Variants in ZEB2 observed in about 807,000 individuals in gnomAD.
The protein encoded by ZEB2 is zinc finger E-box-binding homeobox 2.
A neutral mutation model predicts 99.9 loss-of-function variants in ZEB2; 6 were observed. The observed-to-expected ratio is 0.06, with a 90% CI of 0.03 to 0.12. The LOEUF (loss-of-function observed/expected upper bound fraction) is 0.12, where lower values mean the gene tolerates loss of function less well. Ranked by LOEUF, ZEB2 falls within the 10% of genes least tolerant of loss-of-function variation. The pLI is 1.00. For missense variants in ZEB2, 969 were observed against 1,502.8 expected, an observed-to-expected ratio of 0.64 and a Z score of 5.87; for synonymous variants, 517 against 542.5, an observed-to-expected ratio of 0.95 and a Z score of 0.65.
At chr2:144,406,846 G>A (rs545531858) in intron 4 of ZEB2, among the ~76,000 whole-genome samples, 45 of 152,174 alleles carry the variant, frequency 3.0e-4, no homozygotes, top group African/African-American at 9.7e-4. Flanking sequence ...CTGGGAATCC[G>A]GTTAGGAGGT....
intron 4 of ZEB2, among the ~76,000 whole-genome samples, chr2:144,420,493 T>A (rs1703605268): frequency 6.6e-6 from 1 of 152,188 alleles, no homozygotes; most frequent in Admixed American, 6.5e-5. Context: ...CACCCTCATT[T>A]TTCAGCTGAA....
At chr2:144,434,420 C>G (rs1334620262) in intron 2 of ZEB2, among the ~76,000 whole-genome samples, 1 of 152,134 alleles carries the variant, frequency 6.6e-6, no homozygotes, top group Non-Finnish European at 1.5e-5. Context: ...GAAGTCAACT[C>G]TTTGACAAAG....
intron 1 of ZEB2, chr2:144,517,880 AG>A: frequency 2.0e-6 from 1 of 496,974 alleles, no homozygotes; most frequent in South Asian, 2.2e-5. Context: ...AACGCGAAAC[AG>A]CCCCTGGATG....
At chr2:144,473,818 G>C (rs16823793) in intron 2 of ZEB2, among the ~76,000 whole-genome samples, 4,344 of 152,220 alleles carry the variant, frequency 0.029, 211 homozygotes, top group African/African-American at 0.098. Context: ...TATCTACTTT[G>C]GGTATAACAG....
At chr2:144,404,221 C>G (rs922195126) in intron 5 of ZEB2, 91 bp from the exon 6 acceptor site, 4 of 1,404,220 alleles carry the variant, frequency 2.8e-6, no homozygotes, top group Non-Finnish European at 3.0e-6. Context: ...GATGGTATGA[C>G]AGGAATCACT....
chr2:144,460,570 C>T (rs1488764511), intron 2 of ZEB2, among the ~76,000 whole-genome samples: 1 of 151,886 alleles, frequency 6.6e-6, no homozygotes, highest in Admixed American at 6.6e-5. Context: ...GGGCACCTGG[C>T]GTAAAAAAGA....
chr2:144,486,691 T>G (rs1351919651), intron 2 of ZEB2, among the ~76,000 whole-genome samples: 1 of 152,160 alleles, frequency 6.6e-6, no homozygotes, highest in African/African-American at 2.4e-5. Flanking sequence ...AATTTTCACA[T>G]CTGATTACAA....
At chr2:144,434,052 A>C (rs549241768) in intron 2 of ZEB2, among the ~76,000 whole-genome samples, 1 of 152,314 alleles carries the variant, frequency 6.6e-6, no homozygotes, top group African/African-American at 2.4e-5. Flanking sequence ...CTTTCTCTAC[A>C]TTATTCTGTC....
At chr2:144,392,886 A>G (rs926131851) in intron 9 of ZEB2, among the ~76,000 whole-genome samples, 1 of 152,200 alleles carries the variant, frequency 6.6e-6, no homozygotes, top group Non-Finnish European at 1.5e-5. Flanking sequence ...TGGTAACTGA[A>G]CTTAATAATA....
chr2:144,399,074 A>T lies in ZEB2; in HGVS notation c.2113T>A (p.Ser705Thr), dbSNP rs1361274533. Residue 705 changes from serine (S) to threonine (T), a missense_variant, in exon 8 of 10, where the codon TCC (serine) becomes ACC (threonine). Around this residue, in one of 8 missense-constraint regions of ZEB2, gnomAD observed 346 missense variants for 460.0 expected, o/e 0.75. Transcript: ENST00000627532. The surrounding 1 kb of genome is among the most constrained non-coding windows in gnomAD (Gnocchi z 5.6). The part of the protein sequence containing the change: ...RKVYQYSNSR[S>T]PSLERSSKPL... ...TTGGAGCTTCTTTCCAGGGATGGGG[A>T]CCTGGAATTTGAGTACTGGTAGACT... 7.4e-6 allele frequency: 12 copies of T among 1,614,034 alleles called. No individual in the cohort carries two copies. The highest frequency in any genetic ancestry group is 1.0e-5 in the Non-Finnish European group (12 of 1,179,996).
intron 3 of ZEB2, chr2:144,429,226 A>G (rs1212898372): frequency 1.9e-5 from 3 of 158,080 alleles, no homozygotes; most frequent in Non-Finnish European, 4.2e-5. Flanking sequence ...GATAAATAAT[A>G]AGAAAGCTAC....
intron 2 of ZEB2, among the ~76,000 whole-genome samples, chr2:144,486,892 A>G (rs990282631): frequency 6.6e-6 from 1 of 152,150 alleles, no homozygotes; most frequent in Non-Finnish European, 1.5e-5. Context: ...CTGAACTGGT[A>G]TTGGTCTACA....
intron 3 of ZEB2, 29 bp downstream of exon 3, chr2:144,429,740 G>A (rs1372021248): frequency 1.9e-6 from 3 of 1,613,736 alleles, no homozygotes; most frequent in Admixed American, 1.7e-5. Flanking sequence ...GATGGTACAG[G>A]AAGAGGCCAA....
At chr2:144,491,424 G>A (rs1704680298) in intron 2 of ZEB2, among the ~76,000 whole-genome samples, 2 of 150,724 alleles carry the variant, frequency 1.3e-5, no homozygotes, top group Admixed American at 1.3e-4. Flanking sequence ...GAAGGTAACA[G>A]TTTGTCATGT....
chr2:144,519,920 G>C lies in ZEB2; in HGVS notation c.-70+19C>G. 1 of 444,088 alleles carries C rather than the reference G, an allele frequency of 2.3e-6. No homozygotes were observed. The highest frequency in any genetic ancestry group is 1.6e-5 in the South Asian group (1 of 62,596). The allele number at this position is 444,088 out of a possible 1,614,324, so 27.5% of individuals were successfully genotyped here. ...AAAAAGGGATAAAAAGAGAGAAAAG[G>C]GGAGGAAAAAAAACCTACCTGCGAA... On this transcript the variant is annotated intron_variant, in intron 1 of 9. Transcript: ENST00000627532.
intron 2 of ZEB2, 85 bp downstream of exon 2, chr2:144,517,193 G>T (rs1192412976): frequency 2.5e-6 from 4 of 1,576,614 alleles, no homozygotes; most frequent in Admixed American, 3.4e-5. Context: ...CCGCCGCCTC[G>T]GTTCCTTTTC....
At chr2:144,398,020 C>T (rs1219980480) in intron 8 of ZEB2, 3 of 376,732 alleles carry the variant, frequency 8.0e-6, no homozygotes, top group Non-Finnish European at 1.5e-5. Context: ...ATATTTTCAC[C>T]AAAGTTTAAT....
Position 144,396,566 on chromosome 2 carries a change from G to T in ZEB2, c.2913C>A (p.Asp971Glu), listed in dbSNP as rs1263988535. ...TCATATCATCTAGGCCTGACATGTA[G>T]TCTTGTGCTCCATCAAGCAATTCTC... The part of the protein sequence containing the change: ...FQGELLDGAQ[D>E]YMSGLDDMTD... Residue 971 changes from aspartate to glutamate, a missense_variant, in exon 9 of 10, where the codon GAC becomes GAA. Coordinates refer to ENST00000627532, the MANE Select transcript of ZEB2 (RefSeq NM_014795.4). 1.2e-6 allele frequency: 2 copies of T among 1,613,926 alleles called. No homozygotes were observed. The highest frequency in any genetic ancestry group is 3.3e-5 in the Admixed American group (2 of 60,014).
intron 2 of ZEB2, among the ~76,000 whole-genome samples, chr2:144,499,361 T>G (rs35355807): frequency 1.3e-5 from 2 of 152,150 alleles, no homozygotes; most frequent in African/African-American, 2.4e-5. Flanking sequence ...GGTTTAATAG[T>G]AAAAATACAG....
Sources: allele counts gnomAD v4.1 joint callset (sites outside exome capture counted in the v4.1 genomes callset), GRCh38; gene constraint gnomAD v4.1.1; regional missense constraint gnomAD v4.1.1; non-coding constraint Gnocchi (gnomAD v3.1); transcripts MANE v1.5; gene names NCBI Gene and HGNC (gene_info 2026-07-23, HGNC 2026-07-21).